Variants in IL1RAPL2 observed in about 807,000 individuals in gnomAD.
The protein encoded by IL1RAPL2 is interleukin 1 receptor accessory protein like 2, also known as X-linked interleukin-1 receptor accessory protein-like 2.
Under a neutral mutation model 44.1 loss-of-function variants are expected in IL1RAPL2, and 3 were observed. The observed-to-expected ratio is 0.07, with a 90% CI of 0.03 to 0.18. IL1RAPL2 has a LOEUF of 0.18. IL1RAPL2 is among the 10% of genes least tolerant of loss of function. The pLI, the probability that IL1RAPL2 is intolerant of heterozygous loss-of-function variation, is 1.00. For missense variants in IL1RAPL2, 391 were observed against 496.4 expected (o/e 0.79, Z 2.02); for synonymous variants, 181 against 178.8 (o/e 1.01, Z -0.10).
At chrX:105,557,962 T>A (rs983593212) in intron 6 of IL1RAPL2, among the ~76,000 whole-genome samples, 1 of 111,410 alleles carries the variant, frequency 9.0e-6, no homozygotes, top group Admixed American at 9.6e-5. Context: ...GCTTTATATT[T>A]TATTTAATAC....
At position 104,750,334 on chromosome X, in the gene IL1RAPL2, A is replaced by G. The variant is rs780281705; in HGVS notation, c.82+91339A>G. Among the ~76,000 whole-genome samples, 14 of 111,435 alleles carry G rather than the reference A, an allele frequency of 1.3e-4. No individual in the cohort carries two copies. The South Asian group carries it at 5.3e-3, about 42-fold the overall frequency. ...GAGGGGGATGAGGTCAGCCTGAATC[A>G]CTGATTCCCTTGAAGTCTTCTGTGT... On this transcript the variant is annotated intron_variant, in intron 2 of 10. Transcript: ENST00000372582.
intron 6 of IL1RAPL2, among the ~76,000 whole-genome samples, chrX:105,715,112 G>A (rs2038245932): frequency 8.9e-6 from 1 of 111,947 alleles, no homozygotes; most frequent in South Asian, 3.8e-4. Context: ...TAAAAGATTT[G>A]TGCCCTGATT....
At chrX:105,064,901 C>T (rs772753587) in intron 2 of IL1RAPL2, among the ~76,000 whole-genome samples, 3 of 111,441 alleles carry the variant, frequency 2.7e-5, no homozygotes, top group Non-Finnish European at 3.8e-5. Context: ...ATCTCCTCCT[C>T]CTCAGCTTCA....
chrX:105,586,618 T>A (rs754117833), intron 6 of IL1RAPL2, among the ~76,000 whole-genome samples: 1 of 112,123 alleles, frequency 8.9e-6, no homozygotes, highest in South Asian at 3.7e-4. Flanking sequence ...GATACATAGG[T>A]GAGCAGGAAT....
chrX:105,536,042 T>A, intron 6 of IL1RAPL2, among the ~76,000 whole-genome samples: 1 of 111,732 alleles, frequency 8.9e-6, no homozygotes, highest in Non-Finnish European at 1.9e-5. Flanking sequence ...TAGCTACCAA[T>A]ATATAGTTCT....
intron 1 of IL1RAPL2, among the ~76,000 whole-genome samples, chrX:104,637,511 GTT>G (rs941213890): frequency 2.9e-5 from 3 of 102,178 alleles, no homozygotes; most frequent in African/African-American, 1.1e-4. Context: ...TTTGTTGAGA[GTT>G]TTTTTTTTTT....
chrX:105,493,276 A>G (rs1050743256), intron 6 of IL1RAPL2, among the ~76,000 whole-genome samples: 7 of 111,621 alleles, frequency 6.3e-5, no homozygotes, highest in African/African-American at 2.3e-4. Context: ...TCTCTTGTGT[A>G]TACCTAGGAG....
intron 2 of IL1RAPL2, among the ~76,000 whole-genome samples, chrX:104,907,986 C>G (rs1311110708): frequency 2.7e-5 from 3 of 110,136 alleles, no homozygotes; most frequent in Non-Finnish European, 3.8e-5. Context: ...TTTGGGTGCT[C>G]CTGTGTTGGG....
rs112120344 is a variant in IL1RAPL2 at position 104,869,994 on chromosome X, A to G, written c.82+210999A>G. On this transcript the variant is annotated intron_variant, in intron 2 of 10. Transcript: ENST00000372582. ...ATGGAATTATTCCAAAAGATCTCTT[A>G]TATGTATCCCCTGGAGACCCCATGC... 3.2e-3 allele frequency among the ~76,000 whole-genome samples: 359 copies of G among 112,066 alleles called. 2 individuals carry two copies. Among genetic ancestry groups the G allele is most frequent in the African/African-American group, 0.011 (341 of 30,937 alleles).
At chrX:104,592,284 TACAC>T (rs1305117834) in intron 1 of IL1RAPL2, among the ~76,000 whole-genome samples, 1 of 107,997 alleles carries the variant, frequency 9.3e-6, no homozygotes, top group African/African-American at 3.4e-5. Flanking sequence ...ATTTAGTAGA[TACAC>T]ACAAACACGC....
intron 2 of IL1RAPL2, among the ~76,000 whole-genome samples, chrX:105,034,434 CT>C (rs1342792258): frequency 8.9e-6 from 1 of 112,043 alleles, no homozygotes; most frequent in Non-Finnish European, 1.9e-5. Flanking sequence ...GTTAGTTTTC[CT>C]TCTTACAGAC....
chrX:104,992,016 A>C (rs1160900687), intron 2 of IL1RAPL2, among the ~76,000 whole-genome samples: 2 of 111,381 alleles, frequency 1.8e-5, no homozygotes, highest in Non-Finnish European at 3.8e-5. Context: ...TAGCAGGAAA[A>C]ACATGTACTA....
intron 2 of IL1RAPL2, among the ~76,000 whole-genome samples, chrX:105,057,982 T>G (rs1394623976): frequency 1.0e-5 from 1 of 100,038 alleles, no homozygotes; most frequent in Admixed American, 1.1e-4. Context: ...GGAGTCTCAC[T>G]CTGTCGCCCA....
chrX:105,041,212 G>A (rs1350720589), intron 2 of IL1RAPL2, among the ~76,000 whole-genome samples: 1 of 111,426 alleles, frequency 9.0e-6, no homozygotes, highest in Non-Finnish European at 1.9e-5. Context: ...TTAATCCTAA[G>A]TTCTAGTTTG....
chrX:105,076,629 T>A (rs1369935521), intron 2 of IL1RAPL2, among the ~76,000 whole-genome samples: 1 of 111,408 alleles, frequency 9.0e-6, no homozygotes, highest in Non-Finnish European at 1.9e-5. Context: ...ATCTGTCTAA[T>A]GTTGACAGTG....
At position 105,670,115 on chromosome X, in the gene IL1RAPL2, AT is replaced by A. The variant is rs1569463788; in HGVS notation, c.773-47251del. Among the ~76,000 whole-genome samples, 3 of 35,789 alleles carry A rather than the reference AT, an allele frequency of 8.4e-5. 1 individual carries two copies. In the East Asian group the frequency reaches 1.8e-3, roughly 21 times the overall value. 31.1% of individuals were successfully genotyped at this position (35,789 alleles called of 115,157 possible). On this transcript the variant is annotated intron_variant, in intron 6 of 10. Transcript: ENST00000372582. Reference sequence around the variant, plus strand: ...ATTTCTGGGTTTCCTGTATATATATATATATATATATATATATATATATATA... The same window carrying A: ...ATTTCTGGGTTTCCTGTATATATATAATATATATATATATATATATATATA...
At chrX:104,976,053 T>C (rs183378451) in intron 2 of IL1RAPL2, among the ~76,000 whole-genome samples, 1 of 111,698 alleles carries the variant, frequency 9.0e-6, no homozygotes, top group Non-Finnish European at 1.9e-5. Context: ...TCTTTTTTTT[T>C]TATACAGAAT....
chrX:104,903,741 C>T (rs745354249), intron 2 of IL1RAPL2, among the ~76,000 whole-genome samples: 2 of 109,793 alleles, frequency 1.8e-5, no homozygotes, highest in South Asian at 8.1e-4. Flanking sequence ...CCATGCCTGG[C>T]TAATTTTTTG....
intron 5 of IL1RAPL2, among the ~76,000 whole-genome samples, chrX:105,353,862 A>G (rs1249122860): frequency 9.9e-5 from 11 of 111,526 alleles, no homozygotes; most frequent in Admixed American, 8.6e-4. Flanking sequence ...TAGATACACA[A>G]TCATGTCATC....
Sources: gnomAD v4.1 joint callset for allele counts (sites outside exome capture counted in the v4.1 genomes callset) on GRCh38, gnomAD v4.1.1 for gene constraint, MANE v1.5 for transcripts, NCBI Gene and HGNC (gene_info 2026-07-23, HGNC 2026-07-21) for gene names.